The following IL1RAPL2 variants were observed in gnomAD, a reference collection of about 807,000 sequenced individuals.
IL1RAPL2 encodes X-linked interleukin-1 receptor accessory protein-like 2.
A neutral mutation model predicts 44.1 loss-of-function variants in IL1RAPL2; 3 were observed. The ratio of observed to expected loss-of-function variants is 0.07; its 90% CI spans 0.03 to 0.18. The LOEUF (loss-of-function observed/expected upper bound fraction) is 0.18. IL1RAPL2 is among the 10% of genes least tolerant of loss of function. The pLI, the probability that IL1RAPL2 is intolerant of heterozygous loss-of-function variation, is 1.00. For synonymous variants in IL1RAPL2, 181 were observed against 178.8 expected (o/e 1.01, Z -0.10); for missense variants, 391 against 496.4 (o/e 0.79, Z 2.02).
At chrX:105,385,890 A>G in intron 5 of IL1RAPL2, among the ~76,000 whole-genome samples, 1 of 111,700 alleles carries the variant, frequency 9.0e-6, no homozygotes, top group South Asian at 3.7e-4. Context: ...AGAGGATAGA[A>G]CGTAGAAGGA....
At chrX:105,598,234 A>G (rs2037225843) in intron 6 of IL1RAPL2, among the ~76,000 whole-genome samples, 1 of 110,889 alleles carries the variant, frequency 9.0e-6, no homozygotes, top group Admixed American at 9.7e-5. Flanking sequence ...GATAAATCTT[A>G]TAAGTGAAAA....
chrX:104,794,197 C>A (rs1932838722), intron 2 of IL1RAPL2, among the ~76,000 whole-genome samples: 1 of 111,972 alleles, frequency 8.9e-6, no homozygotes, highest in South Asian at 3.7e-4. Context: ...CAGGAGTTTG[C>A]AGCTCTGTAC....
chrX:104,895,266 C>T (rs964367521), intron 2 of IL1RAPL2, among the ~76,000 whole-genome samples: 3 of 112,511 alleles, frequency 2.7e-5, no homozygotes, highest in Admixed American at 1.9e-4. Context: ...TGTCCGTTCT[C>T]AGTTCTCAAA....
chrX:105,584,838 T>C (rs771488280), intron 6 of IL1RAPL2, among the ~76,000 whole-genome samples: 14 of 111,479 alleles, frequency 1.3e-4, no homozygotes, highest in Middle Eastern at 9.4e-3. Flanking sequence ...TCATCATTTT[T>C]TTTCAATGTT....
At chrX:104,800,481 A>G (rs749017325) in intron 2 of IL1RAPL2, among the ~76,000 whole-genome samples, 1 of 112,126 alleles carries the variant, frequency 8.9e-6, no homozygotes, top group South Asian at 3.7e-4. Flanking sequence ...GTGCATACCA[A>G]AATAAAATCT....
At chrX:105,679,184 A>AAGTT (rs1251766919) in intron 6 of IL1RAPL2, among the ~76,000 whole-genome samples, 2 of 111,670 alleles carry the variant, frequency 1.8e-5, no homozygotes, top group East Asian at 2.8e-4. Flanking sequence ...GGCTCTACTT[A>AAGTT]AGTTATAATC....
chrX:105,536,815 TTA>T (rs1471973005), intron 6 of IL1RAPL2, among the ~76,000 whole-genome samples: 1 of 112,102 alleles, frequency 8.9e-6, no homozygotes, highest in Non-Finnish European at 1.9e-5. Context: ...TGATTTGCAT[TTA>T]TCTTATAAGT....
chrX:105,725,406 T>G (rs1270089510), intron 7 of IL1RAPL2, among the ~76,000 whole-genome samples: 1 of 111,861 alleles, frequency 8.9e-6, no homozygotes, highest in Admixed American at 9.6e-5. Context: ...TGCTGGTTTG[T>G]TTTAGTTTTG....
At chrX:105,063,206 A>T in intron 2 of IL1RAPL2, among the ~76,000 whole-genome samples, 1 of 111,939 alleles carries the variant, frequency 8.9e-6, no homozygotes, top group Middle Eastern at 4.6e-3. Flanking sequence ...TGTGTGATAA[A>T]TTCTGCTATT....
intron 2 of IL1RAPL2, among the ~76,000 whole-genome samples, chrX:104,979,798 T>C (rs979467567): frequency 8.9e-6 from 1 of 111,979 alleles, no homozygotes; most frequent in African/African-American, 3.2e-5. Context: ...AAGCAATTTT[T>C]CCCCTAAAGG....
chrX:104,839,570 A>G (rs898030856), intron 2 of IL1RAPL2, among the ~76,000 whole-genome samples: 3 of 111,602 alleles, frequency 2.7e-5, no homozygotes, highest in Non-Finnish European at 5.6e-5. Context: ...TGTCTCTGCC[A>G]GGTTTTGGTA....
At chrX:104,801,440 GTTGT>G (rs927103517) in intron 2 of IL1RAPL2, among the ~76,000 whole-genome samples, 7 of 423 alleles carry the variant, frequency 0.017, no homozygotes, top group South Asian at 0.2. Flanking sequence ...TTTAGTTGTT[GTTGT>G]TTTTTTTTTG....
intron 2 of IL1RAPL2, among the ~76,000 whole-genome samples, chrX:104,726,685 C>G (rs1361183578): frequency 9.0e-6 from 1 of 111,072 alleles, no homozygotes; most frequent in Non-Finnish European, 1.9e-5. Flanking sequence ...CTCTGTTTGT[C>G]TATTATTGGT....
intron 1 of IL1RAPL2, among the ~76,000 whole-genome samples, chrX:104,569,546 ATG>A (rs1468407472): frequency 8.9e-6 from 1 of 112,339 alleles, no homozygotes; most frequent in African/African-American, 3.2e-5. Context: ...CATCTGGAAC[ATG>A]TCTCCACAGC....
intron 2 of IL1RAPL2, among the ~76,000 whole-genome samples, chrX:105,180,173 C>CA (rs2033515881): frequency 9.1e-6 from 1 of 109,338 alleles, no homozygotes; most frequent in South Asian, 4.0e-4. Flanking sequence ...CCCATCTCTA[C>CA]TAAAAACACA....
At chrX:104,706,095 A>C (rs1931359785) in intron 2 of IL1RAPL2, among the ~76,000 whole-genome samples, 1 of 111,334 alleles carries the variant, frequency 9.0e-6, no homozygotes, top group African/African-American at 3.3e-5. Context: ...GCTATGATTA[A>C]GAGATAGGGA....
At chrX:105,359,326 G>C (rs965574525) in intron 5 of IL1RAPL2, among the ~76,000 whole-genome samples, 8 of 111,540 alleles carry the variant, frequency 7.2e-5, no homozygotes, top group African/African-American at 2.6e-4. Flanking sequence ...TATGGGAAAG[G>C]ACAGGCTGTA....
At chrX:105,446,826 A>G (rs2035958314) in intron 5 of IL1RAPL2, among the ~76,000 whole-genome samples, 1 of 106,922 alleles carries the variant, frequency 9.4e-6, no homozygotes, top group Non-Finnish European at 1.9e-5. Flanking sequence ...TAGTTCACAC[A>G]CCACCAATTA....
At chrX:105,701,728 A>T (rs187628898) in intron 6 of IL1RAPL2, among the ~76,000 whole-genome samples, 13 of 112,198 alleles carry the variant, frequency 1.2e-4, no homozygotes, top group African/African-American at 4.2e-4. Flanking sequence ...GAGCATCTTC[A>T]TAGATTTCAA....
Sources: gnomAD v4.1 joint callset for allele counts (sites outside exome capture counted in the v4.1 genomes callset) on GRCh38, gnomAD v4.1.1 for gene constraint, MANE v1.5 for transcripts, NCBI Gene and HGNC (gene_info 2026-07-23, HGNC 2026-07-21) for gene names.